The following CCSER1 variants were observed in gnomAD, a reference collection of about 807,000 sequenced individuals.
CCSER1 encodes serine-rich coiled-coil domain-containing protein 1.
CCSER1 carries 41 observed loss-of-function variants against 82.0 expected under a neutral mutation model. The ratio of observed to expected loss-of-function variants is 0.50; its 90% CI spans 0.39 to 0.65. The LOEUF is 0.65. CCSER1 is among the 30% of genes least tolerant of loss of function. The pLI, the probability that CCSER1 is intolerant of heterozygous loss-of-function variation, is 0.00. For synonymous variants in CCSER1, 414 were observed against 383.9 expected (o/e 1.08, Z -0.92); for missense variants, 1,119 against 1,064.2 (o/e 1.05, Z -0.72).
chr4:91,118,538 G>T (rs115518341), intron 10 of CCSER1, among the ~76,000 whole-genome samples: 1 of 152,062 alleles, frequency 6.6e-6, no homozygotes, highest in Non-Finnish European at 1.5e-5. Flanking sequence ...GCCTCCTAAC[G>T]TGCTGGGATT....
chr4:90,553,541 A>G (rs539206530), intron 5 of CCSER1, among the ~76,000 whole-genome samples: 82 of 152,360 alleles, frequency 5.4e-4, no homozygotes, highest in African/African-American at 2.0e-3. Context: ...TTAATCAGGT[A>G]TCTCAAGGTG....
At chr4:91,348,057 A>T (rs1227823595) in intron 10 of CCSER1, among the ~76,000 whole-genome samples, 1 of 152,086 alleles carries the variant, frequency 6.6e-6, no homozygotes, top group East Asian at 1.9e-4. Flanking sequence ...TGTTCCTGAT[A>T]TTAGCAGGAA....
intron 10 of CCSER1, among the ~76,000 whole-genome samples, chr4:91,442,843 AT>A (rs1274632273): frequency 6.6e-6 from 1 of 152,130 alleles, no homozygotes; most frequent in African/African-American, 2.4e-5. Flanking sequence ...AAAAGAAGAC[AT>A]TTATGCAGCC....
intron 5 of CCSER1, among the ~76,000 whole-genome samples, chr4:90,499,186 A>G (rs962349519): frequency 6.6e-6 from 1 of 151,810 alleles, no homozygotes; most frequent in African/African-American, 2.4e-5. Flanking sequence ...CTTTATTACC[A>G]TATGGCTGAA....
chr4:90,846,565 G>T (rs919375433), intron 8 of CCSER1, among the ~76,000 whole-genome samples: 4 of 152,096 alleles, frequency 2.6e-5, no homozygotes, highest in African/African-American at 9.7e-5. Flanking sequence ...TTATTACTTT[G>T]TGTTGAGAAT....
At chr4:90,286,074 A>G (rs1406613366) in intron 1 of CCSER1, among the ~76,000 whole-genome samples, 1 of 152,034 alleles carries the variant, frequency 6.6e-6, no homozygotes, top group Admixed American at 6.6e-5. Flanking sequence ...TATGTTCACT[A>G]GAGATATCGG....
intron 10 of CCSER1, among the ~76,000 whole-genome samples, chr4:91,126,802 A>G (rs771368617): frequency 3.3e-5 from 5 of 151,992 alleles, no homozygotes; most frequent in East Asian, 1.9e-4. Flanking sequence ...GTTGTTTACT[A>G]TGTAACACTA....
At chr4:90,953,856 C>T (rs78573557) in intron 9 of CCSER1, among the ~76,000 whole-genome samples, 1 of 151,798 alleles carries the variant, frequency 6.6e-6, no homozygotes, top group Admixed American at 6.6e-5. Flanking sequence ...TTTAAAATCC[C>T]TTATCATATT....
intron 8 of CCSER1, among the ~76,000 whole-genome samples, chr4:90,883,324 CTTTG>C (rs1251216723): frequency 2.0e-5 from 3 of 151,866 alleles, no homozygotes; most frequent in Non-Finnish European, 2.9e-5. Context: ...GCCCACAAAA[CTTTG>C]TTTTATTTTC....
chr4:90,483,331 G>C (rs1374935513), intron 5 of CCSER1, among the ~76,000 whole-genome samples: 1 of 152,150 alleles, frequency 6.6e-6, no homozygotes, highest in Non-Finnish European at 1.5e-5. Context: ...TATCCAATTT[G>C]CCAGTCTGTG....
At chr4:90,619,012 CATT>C (rs1019203723) in intron 5 of CCSER1, among the ~76,000 whole-genome samples, 273 of 151,838 alleles carry the variant, frequency 1.8e-3, no homozygotes, top group Non-Finnish European at 3.4e-3. Context: ...TAAAAATACT[CATT>C]ATCTATAATA....
In CCSER1 at chr4:91,599,517, G is replaced by T. The variant is rs1027760250; in HGVS notation, c.*460G>T. ...TAATTAATAGAAGGAGGAAAAAAGA[G>T]AAATGTTAACGTCTTATATTTGGTG... is the stretch of plus-strand genomic sequence containing the variant. On this transcript the variant is annotated 3_prime_UTR_variant, in exon 11 of 11. Transcript: ENST00000509176. 2 of 152,150 alleles carry T rather than the reference G, an allele frequency of 1.3e-5. No homozygotes were observed. The highest frequency in any genetic ancestry group is 2.9e-5 in the Non-Finnish European group (2 of 68,094). 9.4% of individuals were successfully genotyped at this position (152,150 alleles called of 1,614,324 possible). A position where few individuals can be genotyped will look rare whatever the true frequency, so the allele number is the denominator to read the frequency against.
At chr4:91,005,423 A>T (rs1561464159) in intron 9 of CCSER1, among the ~76,000 whole-genome samples, 1 of 152,156 alleles carries the variant, frequency 6.6e-6, no homozygotes, top group Non-Finnish European at 1.5e-5. Flanking sequence ...ACACAGAGAC[A>T]CACAATCAAA....
rs145837782 is a variant in CCSER1 at position 91,505,075 on chromosome 4, A to C, written c.2218-93497A>C. The stretch of plus-strand genomic sequence containing the variant: ...TAAGCCCTGCATGCATTAGCTATTT[A>C]TCCTGATGCTCTCCCTTCCCCTACC... On this transcript the variant is annotated intron_variant, in intron 10 of 10. Transcript: ENST00000509176. Among the ~76,000 whole-genome samples the C allele has an allele frequency of 2.9e-3, 448 of 152,148 alleles. 4 individuals carry two copies. Among genetic ancestry groups the C allele is most frequent in the African/African-American group, 0.01 (425 of 41,512 alleles).
intron 9 of CCSER1, among the ~76,000 whole-genome samples, chr4:91,001,621 C>G (rs1053904063): frequency 6.6e-6 from 1 of 152,102 alleles, no homozygotes; most frequent in Non-Finnish European, 1.5e-5. Context: ...TTTTTCCACC[C>G]CTTTACCTTA....
chr4:90,406,936 C>T (rs770988937), intron 4 of CCSER1, among the ~76,000 whole-genome samples: 3 of 152,132 alleles, frequency 2.0e-5, no homozygotes, highest in Non-Finnish European at 4.4e-5. Flanking sequence ...TCTAAGCTCA[C>T]ACCTCACGGA....
chr4:91,438,995 C>T (rs756969871), intron 10 of CCSER1, among the ~76,000 whole-genome samples: 19 of 152,164 alleles, frequency 1.2e-4, no homozygotes, highest in Non-Finnish European at 2.4e-4. Flanking sequence ...AGGACCAAAC[C>T]TATGTCTCAT....
At chr4:90,747,141 A>T (rs907951515) in intron 7 of CCSER1, among the ~76,000 whole-genome samples, 1 of 152,078 alleles carries the variant, frequency 6.6e-6, no homozygotes, top group Non-Finnish European at 1.5e-5. Flanking sequence ...AGAGAGAAAA[A>T]CTATGAGAAA....
At chr4:91,384,723 A>G (rs1751163866) in intron 10 of CCSER1, among the ~76,000 whole-genome samples, 1 of 152,100 alleles carries the variant, frequency 6.6e-6, no homozygotes, top group Non-Finnish European at 1.5e-5. Context: ...AATTTCACTG[A>G]CAGACACAAA....
Sources: allele counts gnomAD v4.1 joint callset (sites outside exome capture counted in the v4.1 genomes callset), GRCh38; gene constraint gnomAD v4.1.1; transcripts MANE v1.5; gene names NCBI Gene and HGNC (gene_info 2026-07-23, HGNC 2026-07-21).